LMO7: variants seen among roughly 807,000 people sequenced by gnomAD.
LMO7 encodes LIM domain only protein 7.
Under a neutral mutation model 206.5 loss-of-function variants are expected in LMO7, and 120 were observed. The observed-to-expected ratio is 0.58, with a 90% CI of 0.50 to 0.68. The LOEUF is 0.68. Ranked by LOEUF, LMO7 falls within the 30% of genes least tolerant of loss-of-function variation. The pLI is 0.00. For missense variants in LMO7, 1,959 were observed against 1,957.9 expected (o/e 1.00, Z -0.01); for synonymous variants, 706 against 681.5 (o/e 1.04, Z -0.56).
At chr13:75,759,265 T>A (rs1480728930) in intron 3 of LMO7, among the ~76,000 whole-genome samples, 3 of 152,136 alleles carry the variant, frequency 2.0e-5, no homozygotes, top group Non-Finnish European at 4.4e-5. Flanking sequence ...AGATGAGAAT[T>A]GGGTGGGGAC....
At chr13:75,641,741 G>C (rs1291271032) in intron 1 of LMO7, among the ~76,000 whole-genome samples, 1 of 151,910 alleles carries the variant, frequency 6.6e-6, no homozygotes, top group African/African-American at 2.4e-5. Flanking sequence ...TGCAACCTTC[G>C]CCTCCTGGAT....
intron 7 of LMO7, 41 bp from the exon 8 acceptor site, chr13:75,804,248 T>C: frequency 1.3e-6 from 2 of 1,587,192 alleles, no homozygotes; most frequent in Non-Finnish European, 1.7e-6. Flanking sequence ...GTTAGGCGAA[T>C]AATCTGGAGA....
intron 28 of LMO7, among the ~76,000 whole-genome samples, chr13:75,854,556 C>T (rs959857663): frequency 2.0e-5 from 3 of 152,066 alleles, no homozygotes; most frequent in Non-Finnish European, 2.9e-5. Context: ...GCGCCGTGCT[C>T]ATGCTGTGGG....
intron 15 of LMO7, among the ~76,000 whole-genome samples, chr13:75,824,403 C>G (rs1329173061): frequency 6.6e-6 from 1 of 152,116 alleles, no homozygotes; most frequent in Non-Finnish European, 1.5e-5. Context: ...TTTCGATGGT[C>G]CCTTGTCTCT....
chr13:75,680,685 G>A (rs1012691591), intron 1 of LMO7, among the ~76,000 whole-genome samples: 5 of 151,782 alleles, frequency 3.3e-5, no homozygotes, highest in Non-Finnish European at 7.4e-5. Flanking sequence ...CCCGTCACCT[G>A]TATTAGGTAT....
At chr13:75,844,390 T>C (rs1315336808) in intron 25 of LMO7, among the ~76,000 whole-genome samples, 1 of 150,834 alleles carries the variant, frequency 6.6e-6, no homozygotes, top group Non-Finnish European at 1.5e-5. Context: ...TTACTACTAT[T>C]ATTTTCTTTT....
Position 75,805,727 on chromosome 13 carries a change from A to T in LMO7, c.1163A>T (p.Tyr388Phe), listed in dbSNP as rs1236223745. The change falls in exon 9 of 31, where the codon TAT (tyrosine) becomes TTT (phenylalanine). Residue 388 changes from tyrosine (Y) to phenylalanine (F), a missense_variant. Tyr to Phe is a conservative substitution (Grantham distance 22). Transcript: ENST00000377534. ...VNWKRIKRET[Y>F]KPWYKEFQGF... ...TGGAAAAGAATAAAAAGGGAAACTT[A>T]TAAGCCATGGTATAAAGAATTTCAG... 5 of 1,614,032 alleles carry T rather than the reference A, an allele frequency of 3.1e-6. No homozygotes were observed. The South Asian group carries it at 3.3e-5, about 11-fold the overall frequency.
rs570513211 is a variant in LMO7 at position 75,647,951 on chromosome 13, C to CTTTTTTTTTTTTTTTTTTTTTTT, written c.69+11243_69+11244insTTTTTTTTTTTTTTTTTTTTTTT. On this transcript the variant is annotated intron_variant, in intron 1 of 30. Transcript: ENST00000377534. ...GATTTTCTCTTGTTTTCTTTTCTTT[C>CTTTTTTTTTTTTTTTTTTTTTTT]TTTTTTTTTTTTTTTTTTGAGACAG... is the stretch of plus-strand genomic sequence containing the variant. 2.4e-4 allele frequency among the ~76,000 whole-genome samples: 22 copies of CTTTTTTTTTTTTTTTTTTTTTTT among 91,146 alleles called. 2 individuals are homozygous for CTTTTTTTTTTTTTTTTTTTTTTT. The highest frequency in any genetic ancestry group is 3.8e-4 in the East Asian group (1 of 2,606). The allele number at this position is 91,146 out of a possible 152,430, so 59.8% of individuals were successfully genotyped here.
intron 3 of LMO7, among the ~76,000 whole-genome samples, chr13:75,729,611 C>G (rs1299717966): frequency 6.6e-6 from 1 of 150,464 alleles, no homozygotes; most frequent in Non-Finnish European, 1.5e-5. Flanking sequence ...TAATTGAATA[C>G]CCTTTATTTC....
At chr13:75,788,219 T>C (rs1406209848) in intron 4 of LMO7, among the ~76,000 whole-genome samples, 1 of 152,090 alleles carries the variant, frequency 6.6e-6, no homozygotes, top group Non-Finnish European at 1.5e-5. Flanking sequence ...GCAGATAGAC[T>C]GGCTTGTTGC....
At chr13:75,748,393 G>T (rs1403086838) in intron 3 of LMO7, among the ~76,000 whole-genome samples, 1 of 152,156 alleles carries the variant, frequency 6.6e-6, no homozygotes. Flanking sequence ...GGCAAGTCAC[G>T]TAACCCCTTA....
chr13:75,716,891 ACT>A (rs2043575700), intron 2 of LMO7, among the ~76,000 whole-genome samples: 1 of 86,532 alleles, frequency 1.2e-5, no homozygotes, highest in Non-Finnish European at 2.1e-5. Flanking sequence ...AAATGAAAAC[ACT>A]CTTTTTTTTT....
At chr13:75,644,701 T>C (rs2036859622) in intron 1 of LMO7, among the ~76,000 whole-genome samples, 1 of 152,200 alleles carries the variant, frequency 6.6e-6, no homozygotes, top group African/African-American at 2.4e-5. Flanking sequence ...TGATCATAGC[T>C]CACTGCAGCC....
chr13:75,676,417 G>C (rs1485919970), intron 1 of LMO7, among the ~76,000 whole-genome samples: 1 of 152,116 alleles, frequency 6.6e-6, no homozygotes, highest in Non-Finnish European at 1.5e-5. Flanking sequence ...CTCCAAGCCG[G>C]CTCCTTTACA....
intron 15 of LMO7, among the ~76,000 whole-genome samples, chr13:75,829,389 T>C (rs1339729180): frequency 6.6e-6 from 1 of 151,976 alleles, no homozygotes; most frequent in East Asian, 1.9e-4. Context: ...GGTGGGTGTA[T>C]TATAGAAACA....
chr13:75,827,403 G>A (rs1450732530), intron 15 of LMO7, among the ~76,000 whole-genome samples: 1 of 152,170 alleles, frequency 6.6e-6, no homozygotes, highest in Non-Finnish European at 1.5e-5. Flanking sequence ...AAGGTGGTGT[G>A]TGCCATAAAG....
intron 12 of LMO7, among the ~76,000 whole-genome samples, chr13:75,818,806 C>A (rs2057307923): frequency 6.6e-6 from 1 of 152,196 alleles, no homozygotes; most frequent in African/African-American, 2.4e-5. Context: ...CTCATGCAAT[C>A]CTGTCACACT....
intron 15 of LMO7, among the ~76,000 whole-genome samples, chr13:75,824,389 T>G (rs1304759833): frequency 6.6e-6 from 1 of 152,216 alleles, no homozygotes; most frequent in African/African-American, 2.4e-5. Flanking sequence ...AGAACGTCTA[T>G]AATTTTCGAT....
chr13:75,689,906 G>A (rs1328554396), intron 1 of LMO7, among the ~76,000 whole-genome samples: 1 of 152,110 alleles, frequency 6.6e-6, no homozygotes, highest in Non-Finnish European at 1.5e-5. Flanking sequence ...GATCCTGTGA[G>A]TCAATACTCC....
Sources: gnomAD v4.1 joint callset for allele counts (sites outside exome capture counted in the v4.1 genomes callset) on GRCh38, gnomAD v4.1.1 for gene constraint, MANE v1.5 for transcripts, NCBI Gene and HGNC (gene_info 2026-07-23, HGNC 2026-07-21) for gene names.